The following RPF2 variants were observed in gnomAD, a reference collection of about 807,000 sequenced individuals.
RPF2 encodes the protein brix domain containing 1.
Under a neutral mutation model 38.9 loss-of-function variants are expected in RPF2, and 21 were observed. That is an observed-to-expected ratio of 0.54 (90% CI 0.38 to 0.78). The LOEUF is 0.78. Ranked by LOEUF, RPF2 falls within the 30% of genes least tolerant of loss-of-function variation. RPF2 has a pLI of 0.00. For synonymous variants in RPF2, 121 were observed against 126.2 expected (o/e 0.96, Z 0.28); for missense variants, 314 against 358.1 (o/e 0.88, Z 0.99).
chr6:111,010,267 C>G (rs1269010758), intron 7 of RPF2, among the ~76,000 whole-genome samples: 1 of 151,776 alleles, frequency 6.6e-6, no homozygotes, highest in African/African-American at 2.4e-5. Context: ...ACTACAGGTT[C>G]ACACCACCAT....
At chr6:110,983,355 G>GT (rs11301099) in intron 1 of RPF2, among the ~76,000 whole-genome samples, 21 of 150,972 alleles carry the variant, frequency 1.4e-4, no homozygotes, top group South Asian at 4.2e-4. Context: ...TAAAAAATTT[G>GT]TTTTTTTTTG....
chr6:110,984,932 C>T, intron 1 of RPF2, 74 bp from the exon 2 acceptor site: 8 of 1,391,058 alleles, frequency 5.8e-6, no homozygotes, highest in Non-Finnish European at 7.8e-6. Flanking sequence ...TAAGAATTTT[C>T]ATATTAGTTA....
chr6:110,994,727 G>GTATATATATATATATATATA lies in RPF2; in HGVS notation c.235-2448_235-2447insTATATATATATATATATATA, dbSNP rs147149680. ...GCAGACTTTGTGGAGAATGGGATGAGTATATATACACACACACACACACAC... is the reference window on the plus strand; with the variant it reads ...GCAGACTTTGTGGAGAATGGGATGAGTATATATATATATATATATATATATATACACACACACACACACAC... On this transcript the variant is annotated intron_variant, in intron 4 of 9. Coordinates refer to ENST00000441448, the MANE Select transcript of RPF2 (RefSeq NM_032194.3). Among the ~76,000 whole-genome samples the GTATATATATATATATATATA allele has an allele frequency of 5.9e-3, 635 of 106,960 alleles. 12 individuals carry two copies. The highest frequency in any genetic ancestry group is 0.025 in the African/African-American group (527 of 21,508). The allele number at this position is 106,960 out of a possible 152,430, so 70.2% of individuals were successfully genotyped here.
intron 1 of RPF2, among the ~76,000 whole-genome samples, chr6:110,983,415 C>G (rs919351070): frequency 1.3e-5 from 2 of 152,086 alleles, no homozygotes; most frequent in African/African-American, 4.8e-5. Flanking sequence ...AGCCCCATCA[C>G]AGCTCACTGC....
intron 7 of RPF2, 57 bp from the exon 8 acceptor site, chr6:111,015,697 A>T: frequency 8.3e-7 from 1 of 1,197,894 alleles, no homozygotes; most frequent in Non-Finnish European, 1.2e-6. Flanking sequence ...AGTTCTTTGT[A>T]ACTGAATTTT....
intron 8 of RPF2, among the ~76,000 whole-genome samples, chr6:111,023,708 C>T (rs1772271835): frequency 6.6e-6 from 1 of 152,114 alleles, no homozygotes; most frequent in Non-Finnish European, 1.5e-5. Flanking sequence ...TAAAGAAAAG[C>T]CGGGCATGGT....
chr6:111,001,379 G>T (rs1771808798), intron 6 of RPF2, among the ~76,000 whole-genome samples: 1 of 148,044 alleles, frequency 6.8e-6, no homozygotes, highest in Non-Finnish European at 1.5e-5. Context: ...TTTTCTTTCT[G>T]TTTTTTTTTT....
chr6:111,023,165 C>T (rs1286447968), intron 8 of RPF2, among the ~76,000 whole-genome samples: 2 of 152,246 alleles, frequency 1.3e-5, no homozygotes, highest in Non-Finnish European at 2.9e-5. Context: ...TCCCAAAGTG[C>T]TGGGACTACA....
chr6:111,014,637 A>G (rs1772076501), intron 7 of RPF2, among the ~76,000 whole-genome samples: 1 of 152,194 alleles, frequency 6.6e-6, no homozygotes, highest in South Asian at 2.1e-4. Context: ...AAACTTGGAT[A>G]AACTTTTATA....
intron 6 of RPF2, among the ~76,000 whole-genome samples, chr6:111,005,024 G>C (rs1480254897): frequency 6.6e-6 from 1 of 151,708 alleles, no homozygotes; most frequent in African/African-American, 2.4e-5. Context: ...GTTCCCTTCT[G>C]TACACCTAAA....
intron 4 of RPF2, 109 bp downstream of exon 4, chr6:110,991,895 T>C (rs559572215): frequency 1.5e-4 from 57 of 376,536 alleles, no homozygotes; most frequent in African/African-American, 1.0e-3. Context: ...GAAGTCATCC[T>C]GTGTGAGGGA....
chr6:110,988,844 G>C, intron 2 of RPF2, 184 bp from the exon 3 acceptor site: 1 of 721,580 alleles, frequency 1.4e-6, no homozygotes, highest in South Asian at 2.0e-5. Flanking sequence ...GGAAAGTCTA[G>C]TCCAAGAATA....
rs756125951 is a variant in RPF2 at position 110,991,352 on chromosome 6, A to G, written c.195-395A>G. Among the ~76,000 whole-genome samples the G allele has an allele frequency of 2.1e-3, 307 of 149,250 alleles. 3 individuals are homozygous for G. The highest frequency in any genetic ancestry group is 6.4e-4 in the Non-Finnish European group (43 of 67,622). ...GTTACCCAGGCTGGAGTGCAGTGGC[A>G]CGATCATATTTCACTGTTGTAAGCC... is the stretch of plus-strand genomic sequence containing the variant. On this transcript the variant is annotated intron_variant, in intron 3 of 9. Transcript: ENST00000441448.
At chr6:111,017,382 G>C (rs1393543949) in intron 8 of RPF2, among the ~76,000 whole-genome samples, 2 of 144,312 alleles carry the variant, frequency 1.4e-5, no homozygotes, top group Non-Finnish European at 3.1e-5. Context: ...TGGACGGGGC[G>C]GCTGCCAGGC....
rs148281734 is a variant in RPF2, at chr6:110,986,769, C to T, written c.156+1631C>T. Among the ~76,000 whole-genome samples, 702 of 151,868 alleles carry T rather than the reference C, an allele frequency of 4.6e-3. 9 individuals carry two copies. Among genetic ancestry groups the T allele is most frequent in the East Asian group, 0.043 (223 of 5,150 alleles). On this transcript the variant is annotated intron_variant, in intron 2 of 9. Transcript: ENST00000441448. ...GAGTTCGAGACCAGCCTGGCTAACA[C>T]GGTGAAATCCTGTCTCTACTAAAAA...
At chr6:111,000,461 A>C (rs1771794761) in intron 6 of RPF2, among the ~76,000 whole-genome samples, 1 of 152,190 alleles carries the variant, frequency 6.6e-6, no homozygotes, top group South Asian at 2.1e-4. Context: ...GAATTTTCAA[A>C]TTGAACCCAG....
chr6:111,011,302 TTC>T (rs368729433), intron 7 of RPF2, among the ~76,000 whole-genome samples: 1 of 135,468 alleles, frequency 7.4e-6, no homozygotes, highest in Non-Finnish European at 1.6e-5. Context: ...CTTTCTTTCT[TTC>T]TTTCTTTTTT....
chr6:110,987,269 G>T (rs1771540470), intron 2 of RPF2, among the ~76,000 whole-genome samples: 1 of 152,018 alleles, frequency 6.6e-6, no homozygotes, highest in South Asian at 2.1e-4. Context: ...ATGTTGGCCA[G>T]GCTGGTCACA....
At chr6:111,005,966 G>A (rs1228396666) in intron 6 of RPF2, among the ~76,000 whole-genome samples, 1 of 151,970 alleles carries the variant, frequency 6.6e-6, no homozygotes, top group Non-Finnish European at 1.5e-5. Context: ...CACTGCACCT[G>A]GCTAATTTTT....
Sources: gnomAD v4.1 joint callset for allele counts (sites outside exome capture counted in the v4.1 genomes callset) on GRCh38, gnomAD v4.1.1 for gene constraint, MANE v1.5 for transcripts, NCBI Gene and HGNC (gene_info 2026-07-23, HGNC 2026-07-21) for gene names.